Variants in SLC35F3 observed in about 807,000 individuals in gnomAD.
SLC35F3 encodes solute carrier family 35 member F3.
In SLC35F3, 25 loss-of-function variants were observed where a neutral mutation model predicts 49.9. The observed-to-expected ratio is 0.50, with a 90% confidence interval of 0.37 to 0.70. The LOEUF (loss-of-function observed/expected upper bound fraction) is 0.70. Among genes scored for constraint, SLC35F3 ranks in the 30% least tolerant of loss-of-function variants. SLC35F3 has a pLI of 0.00. For synonymous variants in SLC35F3, 275 were observed against 265.4 expected (o/e 1.04, Z -0.35); for missense variants, 525 against 639.8 (o/e 0.82, Z 1.94).
chr1:234,273,835 T>G (rs1668152148), intron 3 of SLC35F3, among the ~76,000 whole-genome samples: 1 of 152,122 alleles, frequency 6.6e-6, no homozygotes. Context: ...GTCCCCCTGC[T>G]TAAGGGTGCC....
intron 4 of SLC35F3, among the ~76,000 whole-genome samples, chr1:234,309,892 C>G (rs1378144785): frequency 6.6e-6 from 1 of 152,184 alleles, no homozygotes; most frequent in Non-Finnish European, 1.5e-5. Context: ...TAACCAATGA[C>G]GAAGGGGGAG....
At chr1:234,291,467 G>A (rs1403761647) in intron 3 of SLC35F3, among the ~76,000 whole-genome samples, 1 of 152,136 alleles carries the variant, frequency 6.6e-6, no homozygotes, top group Non-Finnish European at 1.5e-5. Flanking sequence ...AGCTGCACTA[G>A]AGGATATTTT....
chr1:234,221,799 G>A (rs1055579075), intron 2 of SLC35F3, among the ~76,000 whole-genome samples: 16 of 152,188 alleles, frequency 1.1e-4, no homozygotes, highest in Admixed American at 6.5e-5. Context: ...TGGACATGTC[G>A]CCTGGCCTCT....
rs1198110144 is a variant in SLC35F3 at position 234,230,715 on chromosome 1, GT to G, written c.284-701del. Among the ~76,000 whole-genome samples, 4 of 152,328 alleles carry G rather than the reference GT, an allele frequency of 2.6e-5. 1 individual carries two copies. The highest frequency in any genetic ancestry group is 9.6e-5 in the African/African-American group (4 of 41,578). ...CACACCGCTCTAGAATGGAGTGTCTGTGGCCTTTCACACACCAGCTGCCAGA... is the reference window on the plus strand; with the variant it reads ...CACACCGCTCTAGAATGGAGTGTCTGGGCCTTTCACACACCAGCTGCCAGA... On this transcript the variant is annotated intron_variant, in intron 2 of 7. Coordinates refer to ENST00000366618, the MANE Select transcript of SLC35F3 (RefSeq NM_173508.4).
intron 2 of SLC35F3, among the ~76,000 whole-genome samples, chr1:234,155,393 C>CTGACGATGATGATGATGATGATGA: frequency 4.0e-5 from 4 of 99,604 alleles, no homozygotes; most frequent in African/African-American, 1.5e-4. Flanking sequence ...TGCTATTCAC[C>CTGACGATGATGATGATGATGATGA]TGATTATTAT....
intron 3 of SLC35F3, among the ~76,000 whole-genome samples, chr1:234,282,862 C>G (rs1263053286): frequency 6.6e-6 from 1 of 152,140 alleles, no homozygotes; most frequent in African/African-American, 2.4e-5. Flanking sequence ...AGTGCATAAA[C>G]CAATAGTTGT....
chr1:233,912,307 G>A (rs1045781249), intron 2 of SLC35F3, among the ~76,000 whole-genome samples: 5 of 152,008 alleles, frequency 3.3e-5, no homozygotes, highest in East Asian at 1.9e-4. Flanking sequence ...GTGAAACCCC[G>A]TCTCTACTAA....
At chr1:234,155,365 G>T (rs889536117) in intron 2 of SLC35F3, among the ~76,000 whole-genome samples, 4 of 149,258 alleles carry the variant, frequency 2.7e-5, no homozygotes, top group South Asian at 2.1e-4. Flanking sequence ...AAACTTCCAT[G>T]TCCTTCTAAG....
At chr1:234,218,027 A>G (rs1667149265) in intron 2 of SLC35F3, among the ~76,000 whole-genome samples, 1 of 152,182 alleles carries the variant, frequency 6.6e-6, no homozygotes, top group Non-Finnish European at 1.5e-5. Flanking sequence ...AAGCATGAGG[A>G]GAGTGGGGCT....
At chr1:233,912,093 G>A (rs1002275341) in intron 2 of SLC35F3, among the ~76,000 whole-genome samples, 1 of 152,098 alleles carries the variant, frequency 6.6e-6, no homozygotes, top group Non-Finnish European at 1.5e-5. Flanking sequence ...CAGCCCTGAG[G>A]GGTGTCCACT....
At chr1:233,994,280 G>T (rs1359935964) in intron 2 of SLC35F3, among the ~76,000 whole-genome samples, 1 of 152,170 alleles carries the variant, frequency 6.6e-6, no homozygotes, top group Non-Finnish European at 1.5e-5. Context: ...AGAAGTTTTT[G>T]AGATAGGTGC....
intron 2 of SLC35F3, among the ~76,000 whole-genome samples, chr1:233,996,680 T>G (rs1356142031): frequency 6.6e-6 from 1 of 152,174 alleles, no homozygotes; most frequent in Non-Finnish European, 1.5e-5. Flanking sequence ...CCAAGGGTAT[T>G]CCACTCTACA....
chr1:234,116,310 C>T (rs543069886), intron 2 of SLC35F3, among the ~76,000 whole-genome samples: 1 of 152,130 alleles, frequency 6.6e-6, no homozygotes, highest in Non-Finnish European at 1.5e-5. Flanking sequence ...GCACCTATGG[C>T]CCTTACAGCT....
At chr1:233,972,409 TC>T (rs1449709481) in intron 2 of SLC35F3, among the ~76,000 whole-genome samples, 1 of 152,224 alleles carries the variant, frequency 6.6e-6, no homozygotes, top group Admixed American at 6.5e-5. Context: ...ATTTCCCTGT[TC>T]CTAGATGGGT....
intron 2 of SLC35F3, among the ~76,000 whole-genome samples, chr1:233,990,457 C>A (rs542705641): frequency 6.6e-6 from 1 of 152,146 alleles, no homozygotes; most frequent in South Asian, 2.1e-4. Flanking sequence ...AAATAATATT[C>A]AGGGGGTGGA....
At chr1:234,072,101 T>C (rs1664720356) in intron 2 of SLC35F3, among the ~76,000 whole-genome samples, 1 of 152,252 alleles carries the variant, frequency 6.6e-6, no homozygotes, top group African/African-American at 2.4e-5. Flanking sequence ...GTAGATATTG[T>C]AGGCAGCATG....
chr1:234,034,229 C>G (rs550230327), intron 2 of SLC35F3, among the ~76,000 whole-genome samples: 1 of 152,276 alleles, frequency 6.6e-6, no homozygotes, highest in South Asian at 2.1e-4. Flanking sequence ...TTACTGAATT[C>G]ATTTATCAGA....
intron 2 of SLC35F3, among the ~76,000 whole-genome samples, chr1:233,927,251 A>G (rs1027831079): frequency 4.0e-5 from 6 of 151,846 alleles, no homozygotes; most frequent in African/African-American, 1.5e-4. Context: ...TAAGTTTTCA[A>G]CTCCTTTGGG....
At chr1:234,191,141 G>A (rs1188783023) in intron 2 of SLC35F3, among the ~76,000 whole-genome samples, 1 of 152,044 alleles carries the variant, frequency 6.6e-6, no homozygotes, top group Non-Finnish European at 1.5e-5. Flanking sequence ...AAATACTTGT[G>A]CAGCCTCCAA....
Sources: allele counts gnomAD v4.1 joint callset (sites outside exome capture counted in the v4.1 genomes callset), GRCh38; gene constraint gnomAD v4.1.1; transcripts MANE v1.5; gene names NCBI Gene and HGNC (gene_info 2026-07-23, HGNC 2026-07-21).